Variants in QKI observed in about 807,000 individuals in gnomAD.
The protein encoded by QKI is KH domain-containing RNA-binding protein QKI.
In QKI, 10 loss-of-function variants were observed where a neutral mutation model predicts 39.0. The ratio of observed to expected loss-of-function variants is 0.26; its 90% CI spans 0.16 to 0.43. The LOEUF is 0.43. Ranked by LOEUF, QKI falls within the 20% of genes least tolerant of loss-of-function variation. The pLI is 1.00. For missense variants in QKI, 218 were observed against 428.0 expected, an observed-to-expected ratio of 0.51 and a Z score of 4.33; for synonymous variants, 204 against 155.4, an observed-to-expected ratio of 1.31 and a Z score of -2.33.
At chr6:163,436,683 G>A (rs1452397271) in intron 1 of QKI, among the ~76,000 whole-genome samples, 2 of 150,240 alleles carry the variant, frequency 1.3e-5, no homozygotes, top group Non-Finnish European at 3.0e-5. Context: ...GCGTGGTGGT[G>A]TGTGCCTGTA....
intron 3 of QKI, among the ~76,000 whole-genome samples, chr6:163,505,847 A>G (rs1161529415): frequency 2.6e-5 from 4 of 152,110 alleles, no homozygotes; most frequent in Non-Finnish European, 5.9e-5. Flanking sequence ...TGAAAAGGAC[A>G]TGAAATTTTG....
At chr6:163,445,858 T>G (rs973350868) in intron 1 of QKI, among the ~76,000 whole-genome samples, 2 of 152,154 alleles carry the variant, frequency 1.3e-5, no homozygotes, top group African/African-American at 4.8e-5. Context: ...TCCTCATCCG[T>G]CCACCTCGGC....
At chr6:163,544,636 A>C (rs1781755738) in intron 4 of QKI, among the ~76,000 whole-genome samples, 1 of 152,116 alleles carries the variant, frequency 6.6e-6, no homozygotes, top group Non-Finnish European at 1.5e-5. Flanking sequence ...AATTTAAGCC[A>C]AAAATTTTGA....
intron 3 of QKI, among the ~76,000 whole-genome samples, chr6:163,525,433 A>ACTGCAGCCTCTGCCTCC (rs371814858): frequency 0.04 from 6,079 of 151,248 alleles, 130 homozygotes; most frequent in African/African-American, 0.063. Context: ...GTCTTGCCTC[A>ACTGCAGCCTCTGCCTCC]CTGCAGCCTC....
chr6:163,562,638 C>T (rs888103424), intron 5 of QKI, among the ~76,000 whole-genome samples: 2 of 152,014 alleles, frequency 1.3e-5, no homozygotes, highest in African/African-American at 4.8e-5. Flanking sequence ...AAGAGGATAG[C>T]TTTTTTATGT....
At chr6:163,544,299 G>T (rs950953022) in intron 4 of QKI, among the ~76,000 whole-genome samples, 3 of 151,964 alleles carry the variant, frequency 2.0e-5, no homozygotes, top group Non-Finnish European at 2.9e-5. Flanking sequence ...CATGTGCGTA[G>T]GTTATATGCA....
intron 3 of QKI, among the ~76,000 whole-genome samples, chr6:163,513,098 C>T (rs1779584631): frequency 6.6e-6 from 1 of 152,052 alleles, no homozygotes; most frequent in Non-Finnish European, 1.5e-5. Flanking sequence ...TACTGTGCTT[C>T]ATTTATAAGT....
chr6:163,452,386 A>C (rs753678474), intron 1 of QKI, among the ~76,000 whole-genome samples: 1 of 152,150 alleles, frequency 6.6e-6, no homozygotes, highest in Non-Finnish European at 1.5e-5. Flanking sequence ...TATATCTTAG[A>C]GACTGAAAAA....
rs983996315 is a variant in QKI, at chr6:163,569,667, T to A, written c.1010-1027T>A. 8.0e-6 allele frequency: 8 copies of A among 1,001,636 alleles called. No individual in the cohort carries two copies. In the East Asian group the frequency reaches 6.5e-4, roughly 82 times the overall value. 62.0% of individuals were successfully genotyped at this position (1,001,636 alleles called of 1,614,324 possible). On this transcript the variant is annotated intron_variant, in intron 7 of 7. Transcript: ENST00000361752. ...TACTGTAATTTTTAAAGTTTTTTTG[T>A]CCTTTTTGTTATTTTGCAAAAGAAA...
intron 2 of QKI, among the ~76,000 whole-genome samples, chr6:163,464,583 A>T (rs1428435087): frequency 6.6e-6 from 1 of 152,184 alleles, no homozygotes; most frequent in African/African-American, 2.4e-5. Flanking sequence ...AATTGAACAA[A>T]CTAGAAGAAA....
intron 3 of QKI, among the ~76,000 whole-genome samples, chr6:163,499,094 G>A (rs943993428): frequency 1.3e-5 from 2 of 152,034 alleles, no homozygotes; most frequent in African/African-American, 2.4e-5. Flanking sequence ...TCTACACTGC[G>A]GCATCATGTC....
chr6:163,556,503 C>A (rs1261251719), intron 4 of QKI, among the ~76,000 whole-genome samples: 51 of 83,008 alleles, frequency 6.1e-4, no homozygotes, highest in South Asian at 8.7e-4. Flanking sequence ...AATTCCACCT[C>A]AAAAAAAAAA....
At chr6:163,425,622 AT>A (rs1332947054) in intron 1 of QKI, among the ~76,000 whole-genome samples, 48 of 152,172 alleles carry the variant, frequency 3.2e-4, no homozygotes, top group African/African-American at 1.1e-3. Context: ...ATTAATAAAA[AT>A]ATTTATATTG....
At chr6:163,525,640 C>T (rs977353206) in intron 3 of QKI, among the ~76,000 whole-genome samples, 1 of 152,190 alleles carries the variant, frequency 6.6e-6, no homozygotes, top group African/African-American at 2.4e-5. Context: ...GCTGAGATTA[C>T]AGGCGTGAGC....
At chr6:163,420,019 A>T (rs375485606) in intron 1 of QKI, among the ~76,000 whole-genome samples, 1 of 152,128 alleles carries the variant, frequency 6.6e-6, no homozygotes, top group Admixed American at 6.5e-5. Context: ...TTTTTCAGGG[A>T]AATAGATTTC....
chr6:163,448,537 G>C (rs938724540), intron 1 of QKI, among the ~76,000 whole-genome samples: 1 of 151,896 alleles, frequency 6.6e-6, no homozygotes, highest in Non-Finnish European at 1.5e-5. Flanking sequence ...AGACCAGCCT[G>C]GCCGACATGG....
At chr6:163,549,111 G>A (rs1052103645) in intron 4 of QKI, among the ~76,000 whole-genome samples, 3 of 152,112 alleles carry the variant, frequency 2.0e-5, no homozygotes, top group Non-Finnish European at 4.4e-5. Context: ...CAATCATGGC[G>A]GAAGGCATCT....
intron 3 of QKI, among the ~76,000 whole-genome samples, chr6:163,506,975 A>T (rs1262473497): frequency 6.6e-6 from 1 of 152,190 alleles, no homozygotes; most frequent in African/African-American, 2.4e-5. Context: ...ACATAGCTGT[A>T]AGCAAGGACT....
In QKI at chr6:163,496,261, T is replaced by C. The variant is rs147465254; in HGVS notation, c.402+17365T>C. On this transcript the variant is annotated intron_variant, in intron 3 of 7. Coordinates refer to ENST00000361752, the MANE Select transcript of QKI (RefSeq NM_006775.3). The stretch of plus-strand genomic sequence containing the variant: ...TGGTGACAACAATAAGTTGATGTTA[T>C]TGTTAAGGGCTTCAACACACTGAGC... 1.4e-3 allele frequency among the ~76,000 whole-genome samples: 215 copies of C among 152,280 alleles called. 2 individuals are homozygous for C. The highest frequency in any genetic ancestry group is 0.013 in the South Asian group (63 of 4,810).
Sources: allele counts gnomAD v4.1 joint callset (sites outside exome capture counted in the v4.1 genomes callset), GRCh38; gene constraint gnomAD v4.1.1; transcripts MANE v1.5; gene names NCBI Gene and HGNC (gene_info 2026-07-23, HGNC 2026-07-21).